Variants in ZNF367 observed in about 807,000 individuals in gnomAD.
ZNF367 encodes C2H2 zinc finger protein ZFF29.
ZNF367 carries 11 observed loss-of-function variants against 31.8 expected under a neutral mutation model. The observed-to-expected ratio is 0.35, with a 90% confidence interval of 0.22 to 0.57. The LOEUF is 0.57. Ranked by LOEUF, ZNF367 falls within the 20% of genes least tolerant of loss-of-function variation. The pLI, the probability that ZNF367 is intolerant of heterozygous loss-of-function variation, is 0.85. For synonymous variants in ZNF367, 199 were observed against 202.4 expected (o/e 0.98, Z 0.14); for missense variants, 353 against 484.1 (o/e 0.73, Z 2.54).
chr9:96,418,009 G>A lies in ZNF367; in HGVS notation c.24C>T (p.Pro8=). The A allele has an allele frequency of 7.2e-7, 1 of 1,394,570 alleles. No individual in the cohort carries two copies. The highest frequency in any genetic ancestry group is 1.6e-5 in the South Asian group (1 of 63,412). 86.4% of individuals were successfully genotyped at this position (1,394,570 alleles called of 1,614,324 possible). A position where few individuals can be genotyped will look rare whatever the true frequency, so the allele number is the denominator to read the frequency against. The stretch of plus-strand genomic sequence containing the variant: ...GCGGCGGCGGCGGGTTCTCCGCCAT[G>A]GGCGCCTCGAAGCCCCGGATCATCG... MIRGFEA[P]MAENPPPPPP... Residue 8 remains proline, a synonymous_variant, in exon 1 of 5, where the codon CCC becomes CCT. Coordinates refer to ENST00000375256, the MANE Select transcript of ZNF367 (RefSeq NM_153695.4).
chr9:96,411,624 T>G (rs538869345), intron 1 of ZNF367, among the ~76,000 whole-genome samples: 2 of 152,240 alleles, frequency 1.3e-5, no homozygotes, highest in Admixed American at 1.3e-4. Flanking sequence ...TTTTGCAATT[T>G]GAAATAACTG....
At chr9:96,405,647 G>C (rs574536890) in intron 1 of ZNF367, among the ~76,000 whole-genome samples, 3 of 152,198 alleles carry the variant, frequency 2.0e-5, no homozygotes, top group East Asian at 1.9e-4. Context: ...ATGCTACAAA[G>C]TGGATGAACC....
intron 1 of ZNF367, among the ~76,000 whole-genome samples, chr9:96,400,675 G>C (rs1254722544): frequency 6.6e-6 from 1 of 151,878 alleles, no homozygotes; most frequent in Non-Finnish European, 1.5e-5. Flanking sequence ...AAGAAGGAAG[G>C]GAAATCAACA....
intron 4 of ZNF367, 185 bp downstream of exon 4, chr9:96,392,213 A>AT: frequency 2.6e-6 from 2 of 783,384 alleles, no homozygotes; most frequent in Non-Finnish European, 4.1e-6. Context: ...TTTCTATCAC[A>AT]CACAGATCCT....
Position 96,417,749 on chromosome 9 carries a change from A to G in ZNF367, c.284T>C (p.Leu95Pro). 1 of 1,231,500 alleles carries G rather than the reference A, an allele frequency of 8.1e-7. No individual in the cohort carries two copies. The highest frequency in any genetic ancestry group is 1.0e-6 in the Non-Finnish European group (1 of 986,362). 76.3% of individuals were successfully genotyped at this position (1,231,500 alleles called of 1,614,324 possible). A position where few individuals can be genotyped will look rare whatever the true frequency, so the allele number is the denominator to read the frequency against. ...GAAGAAASAALPAAAAAEHSG... is the reference protein window; with the variant it reads ...GAAGAAASAAPPAAAAAEHSG... ...GTGCTCGGCGGCTGCGGCTGCAGGC[A>G]GGGCGGCCGAGGCGGCGGCCCCCGC... Residue 95 changes from leucine (L) to proline (P), a missense_variant, in exon 1 of 5, where the codon CTG becomes CCG. Around this residue, in one of 5 missense-constraint regions of ZNF367, gnomAD observed 70 missense variants for 57.1 expected, o/e 1.23. Transcript: ENST00000375256. The surrounding 1 kb of genome is among the most constrained non-coding windows in gnomAD (Gnocchi z 5.0).
At chr9:96,405,810 G>A (rs928975207) in intron 1 of ZNF367, among the ~76,000 whole-genome samples, 21 of 152,164 alleles carry the variant, frequency 1.4e-4, no homozygotes, top group African/African-American at 4.6e-4. Context: ...ACAGGGAATC[G>A]TGGTCTAACA....
At chr9:96,390,841 G>C (rs1416408564) in intron 4 of ZNF367, among the ~76,000 whole-genome samples, 2 of 136,764 alleles carry the variant, frequency 1.5e-5, no homozygotes, top group African/African-American at 5.6e-5. Context: ...TAATAATCCT[G>C]CTACTACAGT....
intron 1 of ZNF367, among the ~76,000 whole-genome samples, chr9:96,411,364 T>G (rs1416685821): frequency 6.7e-6 from 1 of 149,242 alleles, no homozygotes; most frequent in Non-Finnish European, 1.5e-5. Flanking sequence ...CTGGGCAGCA[T>G]AGCAAGACCC....
intron 1 of ZNF367, among the ~76,000 whole-genome samples, chr9:96,403,106 A>C (rs1299945871): frequency 6.6e-6 from 1 of 152,036 alleles, no homozygotes; most frequent in Non-Finnish European, 1.5e-5. Context: ...AGCAGCTGGG[A>C]CTATAGGTGT....
At position 96,398,331 on chromosome 9, in the gene ZNF367, T is replaced by G. The variant is rs1392215389; in HGVS notation, c.421-17A>C. 6.3e-7 allele frequency: 1 copy of G among 1,589,958 alleles called. No individual in the cohort carries two copies. Among genetic ancestry groups the G allele is most frequent in the Admixed American group, 1.8e-5 (1 of 54,056 alleles). On this transcript the variant is annotated splice_polypyrimidine_tract_variant and intron_variant, in intron 1 of 4. Coordinates refer to ENST00000375256, the MANE Select transcript of ZNF367 (RefSeq NM_153695.4). ...GATTCCATCCTGTTGATAATTTTTA[T>G]AAACATTAATATAATTTATTTAACG...
At chr9:96,397,412 T>C (rs992601288) in intron 2 of ZNF367, among the ~76,000 whole-genome samples, 2 of 152,196 alleles carry the variant, frequency 1.3e-5, no homozygotes, top group Admixed American at 6.5e-5. Context: ...CTGCCTACCA[T>C]AGTTCACCAC....
chr9:96,390,036 C>G (rs1212352694), intron 4 of ZNF367, among the ~76,000 whole-genome samples: 1 of 151,664 alleles, frequency 6.6e-6, no homozygotes, highest in Non-Finnish European at 1.5e-5. Context: ...CCTAGGCCTC[C>G]CAAAGTGCTG....
chr9:96,394,144 A>G (rs1048574727), intron 3 of ZNF367, among the ~76,000 whole-genome samples: 4 of 152,252 alleles, frequency 2.6e-5, no homozygotes, highest in Admixed American at 6.5e-5. Flanking sequence ...TCTACTGCCT[A>G]CAACTGGATA....
intron 1 of ZNF367, among the ~76,000 whole-genome samples, chr9:96,413,291 C>T (rs13291001): frequency 0.025 from 3,846 of 152,234 alleles, 70 homozygotes; most frequent in Middle Eastern, 0.054. Context: ...TTATGAAATG[C>T]TTACTCTGTG....
intron 2 of ZNF367, among the ~76,000 whole-genome samples, chr9:96,395,859 T>C (rs201842553): frequency 6.6e-6 from 1 of 152,182 alleles, no homozygotes; most frequent in Non-Finnish European, 1.5e-5. Flanking sequence ...AAAAATTTGT[T>C]AATGATAATT....
At chr9:96,399,815 C>T (rs1188629267) in intron 1 of ZNF367, among the ~76,000 whole-genome samples, 1 of 151,950 alleles carries the variant, frequency 6.6e-6, no homozygotes, top group African/African-American at 2.4e-5. Context: ...AAGACTCCAT[C>T]TCAAAAAAAC....
intron 1 of ZNF367, among the ~76,000 whole-genome samples, chr9:96,408,855 C>A (rs567271328): frequency 6.6e-6 from 1 of 152,176 alleles, no homozygotes; most frequent in Non-Finnish European, 1.5e-5. Context: ...CAGAGTGCAA[C>A]TTAGCCATAT....
rs1025978622 is a variant in ZNF367 at position 96,390,527 on chromosome 9, A to G, written c.830+1871T>C. ...CATGGAAAATGGATTGAGAGCATTC[A>G]AGTGGCTGAATTTGAGTTAGTAAGG... On this transcript the variant is annotated intron_variant, in intron 4 of 4. Coordinates refer to ENST00000375256, the MANE Select transcript of ZNF367 (RefSeq NM_153695.4). Among the ~76,000 whole-genome samples the G allele has an allele frequency of 6.6e-5, 10 of 152,184 alleles. No homozygotes were observed. The South Asian group carries it at 1.4e-3, about 22-fold the overall frequency.
At position 96,417,976 on chromosome 9, in the gene ZNF367, GGGCGGCGGC is replaced by G. The variant is rs553637829; in HGVS notation, c.48_56del (p.Pro17_Pro19del). 3.6e-5 allele frequency: 52 copies of G among 1,446,230 alleles called. No individual in the cohort carries two copies. Among genetic ancestry groups the G allele is most frequent in the African/African-American group, 5.9e-5 (4 of 67,310 alleles). 89.6% of individuals were successfully genotyped at this position (1,446,230 alleles called of 1,614,324 possible). On this transcript the variant is annotated inframe_deletion, in exon 1 of 5. Coordinates refer to ENST00000375256, the MANE Select transcript of ZNF367 (RefSeq NM_153695.4). The surrounding 1 kb of genome is among the most constrained non-coding windows in gnomAD (Gnocchi z 5.0). ...TCGGGGAGTCGTGGCAGAAGATGAC[GGGCGGCGGC>G]GGCGGCGGCGGGTTCTCCGCCATGG...
Sources: allele counts gnomAD v4.1 joint callset (sites outside exome capture counted in the v4.1 genomes callset), GRCh38; gene constraint gnomAD v4.1.1; regional missense constraint gnomAD v4.1.1; non-coding constraint Gnocchi (gnomAD v3.1); transcripts MANE v1.5; gene names NCBI Gene and HGNC (gene_info 2026-07-23, HGNC 2026-07-21).